KANK2: variants seen among roughly 807,000 people sequenced by gnomAD.
The protein encoded by KANK2 is KN motif and ankyrin repeat domain-containing protein 2.
In KANK2, 41 loss-of-function variants were observed where a neutral mutation model predicts 74.6. The ratio of observed to expected loss-of-function variants is 0.55; its 90% CI spans 0.43 to 0.71. The LOEUF (loss-of-function observed/expected upper bound fraction) is 0.71, where lower values mean the gene tolerates loss of function less well. Among genes scored for constraint, KANK2 ranks in the 30% least tolerant of loss-of-function variants. KANK2 has a pLI of 0.00. For missense variants in KANK2, 1,148 were observed against 1,196.4 expected, an observed-to-expected ratio of 0.96 and a Z score of 0.60; for synonymous variants, 537 against 519.0, an observed-to-expected ratio of 1.03 and a Z score of -0.47.
Position 11,192,840 on chromosome 19 carries a change from C to T in KANK2, c.1240G>A (p.Gly414Arg). The stretch of plus-strand genomic sequence containing the variant: ...GCCTGCGACCGCTTACCTGCTGCTC[C>T]ATCGCAGCTTCGCTCTGTGATGCTA... ...KISITERSCD[G>R]AAGLPEVPAE... The change falls in exon 4 of 13, where the codon GGA becomes AGA. Residue 414 changes from glycine to arginine, a missense_variant. Gly to Arg is a moderately radical substitution (Grantham distance 125, BLOSUM62 -2). Coordinates refer to ENST00000586659, the MANE Select transcript of KANK2 (RefSeq NM_001136191.3). The T allele has an allele frequency of 1.2e-6, 2 of 1,613,354 alleles. No homozygotes were observed. Among genetic ancestry groups the T allele is most frequent in the Non-Finnish European group, 1.7e-6 (2 of 1,179,792 alleles).
At position 11,169,877 on chromosome 19, in the gene KANK2, C is replaced by G. The variant is rs747159452; in HGVS notation, c.2502G>C (p.Ser834=). The G allele has an allele frequency of 2.1e-5, 34 of 1,613,344 alleles. No individual in the cohort carries two copies. Among genetic ancestry groups the G allele is most frequent in the Middle Eastern group, 3.3e-4 (2 of 6,056 alleles). The change falls in exon 12 of 13, where the codon TCG becomes TCC. Residue 834 remains serine, a splice_region_variant and synonymous_variant. Transcript: ENST00000586659. ...MLYSRMNIKC[S]FAPMSDDESP... ...CCTACCCGGCCGGATTGAGACTCACCGAGCACTTGATGTTCATGCGGGAAT... is the reference window on the plus strand; with the variant it reads ...CCTACCCGGCCGGATTGAGACTCACGGAGCACTTGATGTTCATGCGGGAAT...
chr19:11,191,131 C>T (rs2078832055), intron 4 of KANK2, among the ~76,000 whole-genome samples: 1 of 151,828 alleles, frequency 6.6e-6, no homozygotes, highest in Non-Finnish European at 1.5e-5. Flanking sequence ...ACCTCCGCCT[C>T]CCGGGTTCAA....
Position 11,178,427 on chromosome 19 carries a change from G to A in KANK2, c.1438C>T (p.Arg480Ter). 1 of 1,594,766 alleles carries A rather than the reference G, an allele frequency of 6.3e-7. No homozygotes were observed. Among genetic ancestry groups the A allele is most frequent in the South Asian group, 1.1e-5 (1 of 88,518 alleles). ...TCCTCTTTCCGTTTCATGATAGATC[G>A]CACGCCTGCCGGGGGCCCGCCTGGA... ...GGTGGPPAGV[R>*]SIMKRKEEVA... The change falls in exon 6 of 13, where the codon CGA becomes TGA. Residue 480 changes from arginine (R) to a stop codon, truncating the protein, a stop_gained. Transcript: ENST00000586659. LOFTEE classifies it high-confidence loss of function.
At position 11,193,168 on chromosome 19, in the gene KANK2, C is replaced by T. The variant is rs7359939; in HGVS notation, c.912G>A (p.Gln304=). ...TQLKKALQEL[Q]AAQARQADPQ... is the part of the protein sequence containing the mutation. ...GGTCAGCCTGCCGGGCCTGAGCTGCCTGCAGCTCCTGCAGCGCCTTCTTGA... is the reference window on the plus strand; with the variant it reads ...GGTCAGCCTGCCGGGCCTGAGCTGCTTGCAGCTCCTGCAGCGCCTTCTTGA... Residue 304 remains glutamine (Q), a synonymous_variant, in exon 4 of 13, where the codon CAG becomes CAA. Transcript: ENST00000586659. This position sits in a 1 kb window ranked among gnomAD's most constrained non-coding sequence, Gnocchi z 9.6. 1 of 1,610,158 alleles carries T rather than the reference C, an allele frequency of 6.2e-7. No homozygotes were observed. Among genetic ancestry groups the T allele is most frequent in the South Asian group, 1.1e-5 (1 of 90,998 alleles).
chr19:11,172,458 C>G (rs953949805), intron 10 of KANK2, among the ~76,000 whole-genome samples: 2 of 152,136 alleles, frequency 1.3e-5, no homozygotes. Flanking sequence ...GTCCTGGCTT[C>G]CCTGCTCTTT....
At chr19:11,171,559 TG>T (rs376191840) in intron 10 of KANK2, among the ~76,000 whole-genome samples, 15 of 114,360 alleles carry the variant, frequency 1.3e-4, no homozygotes, top group African/African-American at 3.8e-4. Context: ...GAGGTGGGGG[TG>T]GGGGGGTGTC....
chr19:11,185,333 C>T (rs754858007), intron 4 of KANK2, among the ~76,000 whole-genome samples: 3 of 148,204 alleles, frequency 2.0e-5, no homozygotes, highest in South Asian at 2.1e-4. Flanking sequence ...TACAGCTGCA[C>T]GCCACCATGC....
chr19:11,181,689 T>A (rs1407867277), intron 4 of KANK2, among the ~76,000 whole-genome samples: 1 of 151,988 alleles, frequency 6.6e-6, no homozygotes, highest in East Asian at 1.9e-4. Flanking sequence ...TGGTGACAGT[T>A]GCGCAACAGT....
chr19:11,176,137 T>C (rs373734875), intron 7 of KANK2, 148 bp from the exon 8 acceptor site: 10 of 599,568 alleles, frequency 1.7e-5, no homozygotes, highest in South Asian at 4.8e-5. Context: ...CACATTTACA[T>C]TGCACCCCAA....
chr19:11,194,902 A>C (rs1600828756), intron 2 of KANK2: 2 of 186,162 alleles, frequency 1.1e-5, no homozygotes, highest in South Asian at 1.1e-4. Context: ...AACAGGCCCC[A>C]CCCTTCCTGC....
At chr19:11,184,445 T>G (rs1279562485) in intron 4 of KANK2, among the ~76,000 whole-genome samples, 1 of 148,370 alleles carries the variant, frequency 6.7e-6, no homozygotes, top group Non-Finnish European at 1.5e-5. Flanking sequence ...AGTGCCGGAG[T>G]TTGGCACAGG....
Position 11,192,977 on chromosome 19 carries a change from G to A in KANK2, c.1103C>T (p.Ala368Val). 2 of 1,614,074 alleles carry A rather than the reference G, an allele frequency of 1.2e-6. No homozygotes were observed. The highest frequency in any genetic ancestry group is 3.3e-4 in the Middle Eastern group (2 of 6,062). ...TGGGCTCTCAGGCCTACCAGGCATT[G>A]CCAGGGCCCTCAGCCCTGTGCCGTA... The part of the protein sequence containing the change: ...EPYGTGLRAL[A>V]MPGRPESPPV... The change falls in exon 4 of 13, where the codon GCA becomes GTA. Residue 368 changes from alanine to valine, a missense_variant. By Grantham distance (64) the Ala-to-Val change is moderately conservative. Coordinates refer to ENST00000586659, the MANE Select transcript of KANK2 (RefSeq NM_001136191.3).
intron 6 of KANK2, among the ~76,000 whole-genome samples, chr19:11,177,936 T>C (rs1378048257): frequency 1.3e-5 from 2 of 152,112 alleles, no homozygotes; most frequent in Non-Finnish European, 2.9e-5. Flanking sequence ...GTCTCCTCCT[T>C]CTGGGACTCC....
In KANK2 at chr19:11,193,594, C is replaced by A; in HGVS notation, c.486G>T (p.Val162=). ...AAGSTASLVG[V]GLPPPTPRSS... ...TCCGTGGTGTCGGGGGTGGCAACCC[C>A]ACGCCCACCAGGGAGGCTGTCGAGC... The change falls in exon 4 of 13, where the codon GTG becomes GTT. Residue 162 remains valine (V), a synonymous_variant. Transcript: ENST00000586659. This position sits in a 1 kb window ranked among gnomAD's most constrained non-coding sequence, Gnocchi z 9.6. 6.3e-7 allele frequency: 1 copy of A among 1,584,768 alleles called. No individual in the cohort carries two copies. Among genetic ancestry groups the A allele is most frequent in the East Asian group, 2.2e-5 (1 of 44,536 alleles).
At chr19:11,187,981 A>C (rs2078724223) in intron 4 of KANK2, among the ~76,000 whole-genome samples, 2 of 152,130 alleles carry the variant, frequency 1.3e-5, no homozygotes, top group African/African-American at 4.8e-5. Context: ...TAAAGTGGGG[A>C]GGAAAAAAGA....
Position 11,178,233 on chromosome 19 carries a change from G to C in KANK2, c.1520+112C>G, listed in dbSNP as rs182102583. ...TCTCTGTGTTGTGGTTTGATTAAAC[G>C]AATTAACCAAAGCAAGGAGCTCAGA... On this transcript the variant is annotated intron_variant, in intron 6 of 12. Transcript: ENST00000586659. 117 of 974,676 alleles carry C rather than the reference G, an allele frequency of 1.2e-4. No individual in the cohort carries two copies. The African/African-American group carries it at 1.2e-3, about 10-fold the overall frequency. 60.4% of individuals were successfully genotyped at this position (974,676 alleles called of 1,614,324 possible).
chr19:11,189,897 A>G (rs915724430), intron 4 of KANK2, among the ~76,000 whole-genome samples: 2 of 152,184 alleles, frequency 1.3e-5, no homozygotes, highest in African/African-American at 4.8e-5. Context: ...GCAGGGGGCC[A>G]GAACCTCAGG....
In KANK2 at chr19:11,194,584, G is replaced by C; in HGVS notation, c.-73C>G. ...TCAGACTGCCTGCAGCACCGGCTGA[G>C]GCTTACCTGGGGAAAGAGAACCACG... On this transcript the variant is annotated 5_prime_UTR_variant, in exon 3 of 13. Transcript: ENST00000586659. 1 of 1,245,842 alleles carries C rather than the reference G, an allele frequency of 8.0e-7. No individual in the cohort carries two copies. Among genetic ancestry groups the C allele is most frequent in the Non-Finnish European group, 1.2e-6 (1 of 848,276 alleles). 77.2% of individuals were successfully genotyped at this position (1,245,842 alleles called of 1,614,324 possible). A position where few individuals can be genotyped will look rare whatever the true frequency, so the allele number is the denominator to read the frequency against.
intron 8 of KANK2, 36 bp from the exon 9 acceptor site, chr19:11,174,728 G>C (rs774621255): frequency 9.2e-6 from 14 of 1,518,340 alleles, no homozygotes; most frequent in Non-Finnish European, 1.3e-5. Context: ...ATGTGAGGGC[G>C]GGGGAGGCCC....
Sources: gnomAD v4.1 joint callset for allele counts (sites outside exome capture counted in the v4.1 genomes callset) on GRCh38, gnomAD v4.1.1 for gene constraint, Gnocchi (gnomAD v3.1) non-coding constraint, MANE v1.5 for transcripts, NCBI Gene and HGNC (gene_info 2026-07-23, HGNC 2026-07-21) for gene names.